Variants in EYA4 observed in about 807,000 individuals in gnomAD.
EYA4 encodes protein phosphatase EYA4.
A neutral mutation model predicts 87.9 loss-of-function variants in EYA4; 31 were observed. That is an observed-to-expected ratio of 0.35 (90% CI 0.27 to 0.48). The LOEUF (loss-of-function observed/expected upper bound fraction) is 0.48. Among genes scored for constraint, EYA4 ranks in the 20% least tolerant of loss-of-function variants. EYA4 has a pLI of 0.99. For missense variants in EYA4, 678 were observed against 761.4 expected (o/e 0.89, Z 1.29); for synonymous variants, 263 against 270.6 (o/e 0.97, Z 0.28).
Position 133,454,138 on chromosome 6 carries a change from C to T in EYA4, c.278-2418C>T, listed in dbSNP as rs117176158. 1.9e-3 allele frequency among the ~76,000 whole-genome samples: 290 copies of T among 152,240 alleles called. 6 individuals carry two copies. In the East Asian group the frequency reaches 0.05, roughly 26 times the overall value. On this transcript the variant is annotated intron_variant, in intron 5 of 19. Transcript: ENST00000355286. ...GTTAGACACAGCTCACATTCTGCCA[C>T]CTCCATTCGCAAGTAAAATCTATAT...
At chr6:133,479,248 T>C (rs1481889652) in intron 11 of EYA4, among the ~76,000 whole-genome samples, 1 of 152,164 alleles carries the variant, frequency 6.6e-6, no homozygotes, top group Non-Finnish European at 1.5e-5. Context: ...TTAATGCCTA[T>C]ACAAATAAGG....
At chr6:133,461,844 CTTTCTT>C (rs1794418167) in intron 7 of EYA4, among the ~76,000 whole-genome samples, 1 of 143,718 alleles carries the variant, frequency 7.0e-6, no homozygotes, top group African/African-American at 2.6e-5. Context: ...AGCTTCCTAC[CTTTCTT>C]TTTCTTTTTT....
At chr6:133,473,504 A>G (rs1457935114) in intron 11 of EYA4, among the ~76,000 whole-genome samples, 3 of 152,102 alleles carry the variant, frequency 2.0e-5, no homozygotes, top group South Asian at 4.1e-4. Context: ...CAGCCAAGAT[A>G]TGTTTATATC....
At chr6:133,431,090 G>A (rs1791140687) in intron 3 of EYA4, among the ~76,000 whole-genome samples, 1 of 152,158 alleles carries the variant, frequency 6.6e-6, no homozygotes. Context: ...GGGTGTGTTT[G>A]ACAAACAGCA....
At chr6:133,491,371 G>T (rs1167563522) in intron 13 of EYA4, among the ~76,000 whole-genome samples, 1 of 151,936 alleles carries the variant, frequency 6.6e-6, no homozygotes, top group African/African-American at 2.4e-5. Context: ...ATTAAAAGTT[G>T]GTTTTTTGAA....
At chr6:133,523,408 A>C (rs958241056) in intron 18 of EYA4, among the ~76,000 whole-genome samples, 2 of 152,218 alleles carry the variant, frequency 1.3e-5, no homozygotes, top group African/African-American at 4.8e-5. Flanking sequence ...ATTTCACAGA[A>C]TATTACAGCC....
At chr6:133,513,098 T>C (rs2128782915) in intron 16 of EYA4, 60 bp downstream of exon 16, 2 of 1,469,336 alleles carry the variant, frequency 1.4e-6, no homozygotes, top group African/African-American at 1.4e-5. Context: ...ATTCAATCTG[T>C]AGTTTCATGT....
At chr6:133,426,647 T>G (rs1320683863) in intron 3 of EYA4, among the ~76,000 whole-genome samples, 2 of 152,220 alleles carry the variant, frequency 1.3e-5, no homozygotes, top group African/African-American at 4.8e-5. Flanking sequence ...ATAATCAGAC[T>G]TTTTTCTATT....
chr6:133,408,091 T>G (rs1788883909), intron 3 of EYA4, among the ~76,000 whole-genome samples: 1 of 152,236 alleles, frequency 6.6e-6, no homozygotes, highest in South Asian at 2.1e-4. Flanking sequence ...TTGTTGGGGC[T>G]GCAATTTGGA....
intron 17 of EYA4, among the ~76,000 whole-genome samples, chr6:133,518,395 C>A (rs991056033): frequency 5.9e-5 from 9 of 152,008 alleles, no homozygotes; most frequent in Non-Finnish European, 1.2e-4. Context: ...GCTGAGTTAT[C>A]CACATATATT....
Position 133,469,715 on chromosome 6 carries a change from A to G in EYA4, c.970+984A>G, listed in dbSNP as rs142194772. Among the ~76,000 whole-genome samples, 1,119 of 152,120 alleles carry G rather than the reference A, an allele frequency of 7.4e-3. 16 individuals carry two copies. Among genetic ancestry groups the G allele is most frequent in the African/African-American group, 0.026 (1,072 of 41,534 alleles). The stretch of plus-strand genomic sequence containing the variant: ...CCAAATGGATTGTAAGCCTACATCT[A>G]AAAAGCTAAAACTATAAAACTTCTA... On this transcript the variant is annotated intron_variant, in intron 11 of 19. Transcript: ENST00000355286.
At chr6:133,460,976 G>T in intron 6 of EYA4, 138 bp from the exon 7 acceptor site, 1 of 713,358 alleles carries the variant, frequency 1.4e-6, no homozygotes, top group Non-Finnish European at 2.6e-6. Context: ...AAGTGTTTAG[G>T]CAGCTGTTTC....
intron 2 of EYA4, among the ~76,000 whole-genome samples, chr6:133,284,464 G>A (rs577427455): frequency 8.5e-5 from 13 of 152,226 alleles, no homozygotes; most frequent in East Asian, 3.9e-4. Context: ...ATGAGCCACC[G>A]CACCTGACCC....
In EYA4 at chr6:133,530,242, A is replaced by G. The variant is rs1484174188; in HGVS notation, c.*1437A>G. 4.8e-5 allele frequency: 47 copies of G among 985,202 alleles called. No homozygotes were observed. Among genetic ancestry groups the G allele is most frequent in the Admixed American group, 1.8e-4 (3 of 16,268 alleles). 61.0% of individuals were successfully genotyped at this position (985,202 alleles called of 1,614,324 possible). On this transcript the variant is annotated 3_prime_UTR_variant, in exon 20 of 20. Transcript: ENST00000355286. ...CATCAATGCAGGTTCTCCTCGTAAC[A>G]GACTTGCATATGTTTGTTAGTTTCT...
intron 5 of EYA4, among the ~76,000 whole-genome samples, chr6:133,453,834 A>G (rs527373368): frequency 1.3e-5 from 2 of 152,156 alleles, no homozygotes; most frequent in South Asian, 2.1e-4. Flanking sequence ...TCCTCTCTTC[A>G]TATACTTTCC....
intron 6 of EYA4, among the ~76,000 whole-genome samples, chr6:133,459,914 C>T (rs1794229395): frequency 1.3e-5 from 2 of 151,974 alleles, no homozygotes; most frequent in Non-Finnish European, 2.9e-5. Flanking sequence ...ACTTCATTAT[C>T]GCTATGAAAA....
intron 2 of EYA4, among the ~76,000 whole-genome samples, chr6:133,338,141 T>C (rs1225955578): frequency 6.6e-6 from 1 of 152,214 alleles, no homozygotes; most frequent in East Asian, 1.9e-4. Flanking sequence ...GCTTACTTTG[T>C]GGGCTTACCA....
intron 14 of EYA4, among the ~76,000 whole-genome samples, chr6:133,508,965 A>G (rs1798888957): frequency 6.6e-6 from 1 of 152,212 alleles, no homozygotes. Flanking sequence ...TTAGCTATTC[A>G]ACAATACTGT....
intron 2 of EYA4, among the ~76,000 whole-genome samples, chr6:133,278,450 G>A (rs1204965716): frequency 2.0e-5 from 3 of 152,136 alleles, no homozygotes; most frequent in African/African-American, 7.2e-5. Context: ...AAGAGTAATG[G>A]TGGATCTCGT....
Sources: allele counts gnomAD v4.1 joint callset (sites outside exome capture counted in the v4.1 genomes callset), GRCh38; gene constraint gnomAD v4.1.1; transcripts MANE v1.5; gene names NCBI Gene and HGNC (gene_info 2026-07-23, HGNC 2026-07-21).